Variants in DCP2 observed in about 807,000 individuals in gnomAD.
The protein encoded by DCP2 is m7GpppN-mRNA hydrolase.
DCP2 carries 30 observed loss-of-function variants against 56.1 expected under a neutral mutation model. That is an observed-to-expected ratio of 0.53 (90% CI 0.40 to 0.73). DCP2 has a LOEUF of 0.73. DCP2 is among the 30% of genes least tolerant of loss of function. The pLI is 0.00. For synonymous variants in DCP2, 197 were observed against 163.3 expected (o/e 1.21, Z -1.57); for missense variants, 533 against 502.7 (o/e 1.06, Z -0.58).
chr5:112,989,715 A>C (rs1204808586), intron 2 of DCP2, among the ~76,000 whole-genome samples: 1 of 152,192 alleles, frequency 6.6e-6, no homozygotes, highest in East Asian at 1.9e-4. Context: ...TTCATTATTA[A>C]CGTTTTCCTA....
rs147559489 is a variant in DCP2, at chr5:113,017,187, T to C, written c.*3703T>C. 9.2e-5 allele frequency: 14 copies of C among 152,350 alleles called. No homozygotes were observed. Among genetic ancestry groups the C allele is most frequent in the Non-Finnish European group, 1.6e-4 (11 of 68,034 alleles). The allele number at this position is 152,350 out of a possible 1,614,324, so 9.4% of individuals were successfully genotyped here. ...TTTCTTTGTATGTTAATCATAGTTA[T>C]AGTAAAGTCAGACTCATTAACTTTT... On this transcript the variant is annotated 3_prime_UTR_variant, in exon 11 of 11. Transcript: ENST00000389063.
Position 113,013,516 on chromosome 5 carries a change from T to TC in DCP2, c.*33dup, listed in dbSNP as rs780329897. 9 of 1,610,244 alleles carry TC rather than the reference T, an allele frequency of 5.6e-6. No individual in the cohort carries two copies. Among genetic ancestry groups the TC allele is most frequent in the Non-Finnish European group, 7.6e-6 (9 of 1,177,716 alleles). On this transcript the variant is annotated 3_prime_UTR_variant, in exon 11 of 11. Coordinates refer to ENST00000389063, the MANE Select transcript of DCP2 (RefSeq NM_152624.6). ...CACATGTATTGTAAATGTCCCAGGA[T>TC]CAGAGACCTGTTGAATTTGAGTGGG...
chr5:112,989,801 G>T (rs1748497246), intron 2 of DCP2, among the ~76,000 whole-genome samples: 1 of 152,144 alleles, frequency 6.6e-6, no homozygotes, highest in African/African-American at 2.4e-5. Context: ...CTGGGGGAAG[G>T]CAAGATTGGA....
At position 113,015,612 on chromosome 5, in the gene DCP2, G is replaced by T. The variant is rs1218709547; in HGVS notation, c.*2128G>T. ...GGAACAAAATATAAGGGTACTGTTG[G>T]GGTGTGATTATGATAACTTCAGGCT... On this transcript the variant is annotated 3_prime_UTR_variant, in exon 11 of 11. Coordinates refer to ENST00000389063, the MANE Select transcript of DCP2 (RefSeq NM_152624.6). The T allele has an allele frequency of 3.3e-5, 5 of 152,510 alleles. No homozygotes were observed. Among genetic ancestry groups the T allele is most frequent in the Admixed American group, 3.3e-4 (5 of 15,258 alleles). 9.4% of individuals were successfully genotyped at this position (152,510 alleles called of 1,614,324 possible).
rs549579898 is a variant in DCP2 at position 113,021,228 on chromosome 5, G to T, written c.*7744G>T. Reference sequence around the variant, plus strand: ...CTAAAAATTCAAAAATTAGCTGGGCGTGGTGGTGCGTGTCTGTAGTCCCAG... The same window carrying T: ...CTAAAAATTCAAAAATTAGCTGGGCTTGGTGGTGCGTGTCTGTAGTCCCAG... On this transcript the variant is annotated 3_prime_UTR_variant, in exon 11 of 11. Transcript: ENST00000389063. 6.6e-6 allele frequency among the ~76,000 whole-genome samples: 1 copy of T among 151,878 alleles called. No homozygotes were observed. Among genetic ancestry groups the T allele is most frequent in the Non-Finnish European group, 1.5e-5 (1 of 67,962 alleles).
intron 4 of DCP2, among the ~76,000 whole-genome samples, chr5:112,995,469 G>C (rs1748804795): frequency 6.6e-6 from 1 of 152,192 alleles, no homozygotes. Context: ...TGGTCTAACG[G>C]CAGTAAGGTG....
At chr5:112,985,758 A>G in intron 1 of DCP2, 77 bp from the exon 2 acceptor site, 5 of 1,529,106 alleles carry the variant, frequency 3.3e-6, no homozygotes, top group East Asian at 2.3e-5. Context: ...TGGGTCAGGT[A>G]TGAAGCACTT....
Position 112,981,477 on chromosome 5 carries a change from A to G in DCP2, c.54-4358A>G, listed in dbSNP as rs750473185. ...TTAGGGTTGATAATATTTATATTCT[A>G]TTTTGTAAATCTACGTCTGTTATAT... On this transcript the variant is annotated intron_variant, in intron 1 of 10. Transcript: ENST00000389063. 5.3e-5 allele frequency among the ~76,000 whole-genome samples: 8 copies of G among 152,120 alleles called. No homozygotes were observed. The East Asian group carries it at 1.3e-3, about 26-fold the overall frequency.
intron 1 of DCP2, among the ~76,000 whole-genome samples, chr5:112,977,848 C>T (rs938068201): frequency 6.6e-6 from 1 of 151,908 alleles, no homozygotes; most frequent in Non-Finnish European, 1.5e-5. Context: ...CCTTTTCGTT[C>T]ACAGTTACTG....
chr5:113,009,470 A>G (rs899550486), intron 9 of DCP2, among the ~76,000 whole-genome samples: 3 of 152,224 alleles, frequency 2.0e-5, no homozygotes, highest in Non-Finnish European at 2.9e-5. Flanking sequence ...AAAGATGAAA[A>G]GAAGTAACCC....
chr5:113,009,723 A>C (rs755364987), intron 9 of DCP2, among the ~76,000 whole-genome samples: 1 of 152,182 alleles, frequency 6.6e-6, no homozygotes, highest in Non-Finnish European at 1.5e-5. Flanking sequence ...GACAATGTAC[A>C]TTTATTGAAA....
Position 112,979,904 on chromosome 5 carries a change from G to C in DCP2, c.53+2918G>C, listed in dbSNP as rs542914605. Among the ~76,000 whole-genome samples, 10 of 152,262 alleles carry C rather than the reference G, an allele frequency of 6.6e-5. 1 individual carries two copies. Among genetic ancestry groups the C allele is most frequent in the African/African-American group, 2.4e-4 (10 of 41,538 alleles). ...AAAACAAATTTTTAAGTGTGTGTGTGGGTGGGGAAGGGGTATATGTATTCG... is the reference window on the plus strand; with the variant it reads ...AAAACAAATTTTTAAGTGTGTGTGTCGGTGGGGAAGGGGTATATGTATTCG... On this transcript the variant is annotated intron_variant, in intron 1 of 10. Coordinates refer to ENST00000389063, the MANE Select transcript of DCP2 (RefSeq NM_152624.6).
intron 7 of DCP2, among the ~76,000 whole-genome samples, chr5:113,003,422 A>G (rs940152093): frequency 3.3e-5 from 5 of 152,112 alleles, no homozygotes; most frequent in South Asian, 2.1e-4. Context: ...TGCAGGGTCA[A>G]AAAATTAGCA....
At position 113,003,951 on chromosome 5, in the gene DCP2, A is replaced by G; in HGVS notation, c.816A>G (p.Lys272=). Residue 272 remains lysine (K), a synonymous_variant, in exon 8 of 11, where the codon AAA becomes AAG. Transcript: ENST00000389063. ...KPTVEKLSRT[K]FRHSQQLFPD... ...TTAAATCTTGGTGTAGTCGAACCAAATTCCGCCACAGTCAGCAGTTATTTC... is the reference window on the plus strand; with the variant it reads ...TTAAATCTTGGTGTAGTCGAACCAAGTTCCGCCACAGTCAGCAGTTATTTC... 1 of 1,614,104 alleles carries G rather than the reference A, an allele frequency of 6.2e-7. No individual in the cohort carries two copies. Among genetic ancestry groups the G allele is most frequent in the South Asian group, 1.1e-5 (1 of 91,080 alleles).
chr5:113,000,923 T>C (rs1749147689), intron 4 of DCP2, among the ~76,000 whole-genome samples, 161 bp from the exon 5 acceptor site: 1 of 152,316 alleles, frequency 6.6e-6, no homozygotes, highest in East Asian at 1.9e-4. Flanking sequence ...CAAGAACTTT[T>C]TTTACATCTC....
chr5:112,984,539 G>A (rs1748156618), intron 1 of DCP2: 1 of 151,588 alleles, frequency 6.6e-6, no homozygotes, highest in African/African-American at 2.4e-5. Flanking sequence ...ATTTACAGTA[G>A]CCCTTAAAAG....
chr5:113,006,777 A>G (rs1038596850), intron 8 of DCP2, among the ~76,000 whole-genome samples: 2 of 152,202 alleles, frequency 1.3e-5, no homozygotes, highest in East Asian at 1.9e-4. Context: ...TCTTAAAGCA[A>G]TTTAATAGCA....
chr5:113,013,394 T>C lies in DCP2; in HGVS notation c.1173T>C (p.Cys391=), dbSNP rs1317597825. The change falls in exon 11 of 11, where the codon TGT becomes TGC. Residue 391 remains cysteine (C), a synonymous_variant. Transcript: ENST00000389063. ...ATGCTGAGGGACAGCCCGTGGCATG[T>C]AATGGACATTGCAAGTTCCCCTTTT... ...LEHAEGQPVA[C]NGHCKFPFSS... 6.2e-7 allele frequency: 1 copy of C among 1,614,070 alleles called. No homozygotes were observed. The highest frequency in any genetic ancestry group is 8.5e-7 in the Non-Finnish European group (1 of 1,180,008).
rs1458321103 is a variant in DCP2, at chr5:113,001,673, A to C, written c.805A>C (p.Ser269Arg). ...GGCTAAACCCACTGTGGAAAAATTG[A>C]GGTAAAGAAATACATTCATGGAATC... ...TPAKPTVEKL[S>R]RTKFRHSQQL... The change falls in exon 7 of 11, where the codon AGT becomes CGT. Residue 269 changes from serine (S) to arginine (R), a missense_variant and splice_region_variant. Physicochemically the swap from Ser to Arg is moderately radical, Grantham distance 110. Transcript: ENST00000389063. 2 of 1,611,522 alleles carry C rather than the reference A, an allele frequency of 1.2e-6. No homozygotes were observed. The highest frequency in any genetic ancestry group is 2.7e-5 in the African/African-American group (2 of 74,866).
Sources: gnomAD v4.1 joint callset for allele counts (sites outside exome capture counted in the v4.1 genomes callset) on GRCh38, gnomAD v4.1.1 for gene constraint, MANE v1.5 for transcripts, NCBI Gene and HGNC (gene_info 2026-07-23, HGNC 2026-07-21) for gene names.